Variants in TMEM176B observed in about 807,000 individuals in gnomAD.
The protein encoded by TMEM176B is LR8-like protein.
In TMEM176B, 28 loss-of-function variants were observed where a neutral mutation model predicts 30.3. That is an observed-to-expected ratio of 0.92 (90% CI 0.68 to 1.27). The LOEUF (loss-of-function observed/expected upper bound fraction) is 1.27. TMEM176B is among the 50% of genes most tolerant of loss of function. The probability of loss-of-function intolerance (pLI) is 0.00; values close to 1 mark genes in which losing one functional copy is unlikely to be tolerated. For synonymous variants in TMEM176B, 123 were observed against 130.3 expected (o/e 0.94, Z 0.38); for missense variants, 349 against 327.4 (o/e 1.07, Z -0.51).
Position 150,796,582 on chromosome 7 carries a change from G to T in TMEM176B, c.-5-8C>A. 1.2e-6 allele frequency: 2 copies of T among 1,613,376 alleles called. No individual in the cohort carries two copies. Among genetic ancestry groups the T allele is most frequent in the Non-Finnish European group, 1.7e-6 (2 of 1,179,994 alleles). Reference sequence around the variant, plus strand: ...TGTTTTGCGTCATCCTGCCTGCCAGGGAGAAGACATATAGCAGTGAGGTCT... The same window carrying T: ...TGTTTTGCGTCATCCTGCCTGCCAGTGAGAAGACATATAGCAGTGAGGTCT... On this transcript the variant is annotated splice_polypyrimidine_tract_variant and splice_region_variant and intron_variant, in intron 1 of 6. Transcript: ENST00000326442.
intron 1 of TMEM176B, chr7:150,800,022 C>G (rs935047543): frequency 1.3e-5 from 2 of 152,316 alleles, no homozygotes; most frequent in Non-Finnish European, 2.9e-5. Flanking sequence ...GCCACCCCAC[C>G]GTAGGGCTCC....
intron 6 of TMEM176B, 56 bp downstream of exon 6, chr7:150,792,000 C>A: frequency 6.2e-7 from 1 of 1,609,198 alleles, no homozygotes; most frequent in Non-Finnish European, 8.5e-7. Flanking sequence ...CCTACCTGTC[C>A]CACACACTCA....
chr7:150,796,878 T>C (rs370950627), intron 1 of TMEM176B: 73 of 313,230 alleles, frequency 2.3e-4, no homozygotes, highest in African/African-American at 1.4e-3. Context: ...CACTTCAACC[T>C]GGGAGGCTGA....
intron 1 of TMEM176B, among the ~76,000 whole-genome samples, chr7:150,798,980 T>C (rs974122588): frequency 2.0e-5 from 3 of 152,344 alleles, no homozygotes; most frequent in African/African-American, 7.2e-5. Flanking sequence ...ATTTATGGTG[T>C]CTAGCTCTTA....
At chr7:150,795,819 C>T (rs1798501263) in intron 2 of TMEM176B, among the ~76,000 whole-genome samples, 1 of 152,088 alleles carries the variant, frequency 6.6e-6, no homozygotes, top group Admixed American at 6.5e-5. Flanking sequence ...TTCTCATGTC[C>T]CTCTCATGGG....
chr7:150,792,565 T>A (rs1798356252), intron 5 of TMEM176B, among the ~76,000 whole-genome samples: 3 of 152,260 alleles, frequency 2.0e-5, no homozygotes, highest in South Asian at 4.1e-4. Flanking sequence ...CCAAGCCAAG[T>A]GGAGAAGCCA....
intron 2 of TMEM176B, among the ~76,000 whole-genome samples, chr7:150,794,926 C>T (rs1303750448): frequency 6.6e-6 from 1 of 151,220 alleles, no homozygotes; most frequent in Non-Finnish European, 1.5e-5. Context: ...CACACACACA[C>T]ACACACACAC....
intron 1 of TMEM176B, among the ~76,000 whole-genome samples, chr7:150,797,913 A>T (rs1798587712): frequency 6.6e-6 from 1 of 152,180 alleles, no homozygotes; most frequent in Non-Finnish European, 1.5e-5. Context: ...AGGAATGCGC[A>T]TTTGCAATTT....
chr7:150,792,285 C>A lies in TMEM176B; in HGVS notation c.601-110G>T, dbSNP rs58004396. The A allele has an allele frequency of 3.2e-3, 4,495 of 1,414,052 alleles. 116 individuals are homozygous for A. In the African/African-American group the frequency reaches 0.055, roughly 17 times the overall value. 87.6% of individuals were successfully genotyped at this position (1,414,052 alleles called of 1,614,324 possible). A position where few individuals can be genotyped will look rare whatever the true frequency, so the allele number is the denominator to read the frequency against. On this transcript the variant is annotated intron_variant, in intron 5 of 6. Coordinates refer to ENST00000326442, the MANE Select transcript of TMEM176B (RefSeq NM_001101312.2). ...ACTGACTCTATCCAGCTTGCTGCTCCCACCACAGCTGACTGTGTTTCCAGC... is the reference window on the plus strand; with the variant it reads ...ACTGACTCTATCCAGCTTGCTGCTCACACCACAGCTGACTGTGTTTCCAGC...
At position 150,793,038 on chromosome 7, in the gene TMEM176B, G is replaced by A. The variant is rs1355484457; in HGVS notation, c.600+50C>T. On this transcript the variant is annotated intron_variant, in intron 5 of 6. Coordinates refer to ENST00000326442, the MANE Select transcript of TMEM176B (RefSeq NM_001101312.2). ...GTCCTCCAGGGCCCCCAGCTCCCTGGGAAAAAAGAGCTGTGATGGGTCCCC... is the reference window on the plus strand; with the variant it reads ...GTCCTCCAGGGCCCCCAGCTCCCTGAGAAAAAAGAGCTGTGATGGGTCCCC... The A allele has an allele frequency of 2.5e-6, 4 of 1,591,536 alleles. No individual in the cohort carries two copies. In the Admixed American group the frequency reaches 5.0e-5, roughly 20 times the overall value.
chr7:150,794,661 G>A (rs985473178), intron 2 of TMEM176B, among the ~76,000 whole-genome samples: 4 of 149,954 alleles, frequency 2.7e-5, no homozygotes, highest in Non-Finnish European at 5.9e-5. Flanking sequence ...TGGAACTCCT[G>A]CAGTGGGCAA....
chr7:150,792,892 C>G (rs1196083281), intron 5 of TMEM176B, among the ~76,000 whole-genome samples, 196 bp downstream of exon 5: 1 of 152,202 alleles, frequency 6.6e-6, no homozygotes, highest in African/African-American at 2.4e-5. Flanking sequence ...CTTTGTTCCT[C>G]ACCCTCCTTG....
chr7:150,797,491 G>T (rs1296465355), intron 1 of TMEM176B, among the ~76,000 whole-genome samples: 1 of 152,220 alleles, frequency 6.6e-6, no homozygotes, highest in African/African-American at 2.4e-5. Flanking sequence ...GAAAAATGGG[G>T]AGACTTACAT....
chr7:150,793,758 C>T (rs1178322389), intron 3 of TMEM176B, among the ~76,000 whole-genome samples, 158 bp from the exon 4 acceptor site: 2 of 152,160 alleles, frequency 1.3e-5, no homozygotes, highest in Non-Finnish European at 2.9e-5. Context: ...CCTATACCTG[C>T]CCCACCCCTC....
At chr7:150,799,189 G>A (rs1037245404) in intron 1 of TMEM176B, among the ~76,000 whole-genome samples, 1 of 152,212 alleles carries the variant, frequency 6.6e-6, no homozygotes, top group Non-Finnish European at 1.5e-5. Context: ...TGAAAGATAC[G>A]TTCCATTTGC....
chr7:150,794,953 C>A (rs116505141), intron 2 of TMEM176B, among the ~76,000 whole-genome samples: 2 of 146,136 alleles, frequency 1.4e-5, no homozygotes, highest in African/African-American at 5.0e-5. Flanking sequence ...ACACACCTCT[C>A]GAATGGCTGC....
At chr7:150,794,543 G>A (rs1259889559) in intron 2 of TMEM176B, among the ~76,000 whole-genome samples, 1 of 152,006 alleles carries the variant, frequency 6.6e-6, no homozygotes, top group Non-Finnish European at 1.5e-5. Flanking sequence ...GCAGTTGTCA[G>A]CTCCTTCAGG....
At chr7:150,801,073 G>A, upstream of TMEM176B, 1 of 856,500 alleles carries the variant, frequency 1.2e-6, no homozygotes, top group Non-Finnish European at 1.4e-6. Flanking sequence ...TGGAGCGGGA[G>A]GTCGGCGGTG....
rs1300707553 is a variant in TMEM176B, at chr7:150,793,185, T to G, written c.503A>C (p.Asp168Ala). The G allele has an allele frequency of 1.2e-6, 2 of 1,614,134 alleles. No individual in the cohort carries two copies. The highest frequency in any genetic ancestry group is 3.3e-5 in the Admixed American group (2 of 60,024). ...LYIDTVCDRS[D>A]PVFPTTGYRW... ...GTACCCAGTGGTAGGGAAGACAGGG[T>G]CTGAGCGATCACACACAGTGTCGAT... The change falls in exon 5 of 7, where the codon GAC becomes GCC. Residue 168 changes from aspartate to alanine, a missense_variant. Asp to Ala is a moderately radical substitution (Grantham distance 126). Coordinates refer to ENST00000326442, the MANE Select transcript of TMEM176B (RefSeq NM_001101312.2).
Sources: gnomAD v4.1 joint callset for allele counts (sites outside exome capture counted in the v4.1 genomes callset) on GRCh38, gnomAD v4.1.1 for gene constraint, MANE v1.5 for transcripts, NCBI Gene and HGNC (gene_info 2026-07-23, HGNC 2026-07-21) for gene names.